Variants in ENOX1 observed in about 807,000 individuals in gnomAD.
ENOX1 encodes the protein ecto-NOX disulfide-thiol exchanger 1.
Under a neutral mutation model 82.5 loss-of-function variants are expected in ENOX1, and 42 were observed. That is an observed-to-expected ratio of 0.51 (90% CI 0.40 to 0.66). The LOEUF (loss-of-function observed/expected upper bound fraction) is 0.66. ENOX1 is among the 30% of genes least tolerant of loss of function. The probability of loss-of-function intolerance (pLI) is 0.00; values close to 1 mark genes in which losing one functional copy is unlikely to be tolerated. For missense variants in ENOX1, 608 were observed against 811.6 expected (o/e 0.75, Z 3.05); for synonymous variants, 271 against 282.2 (o/e 0.96, Z 0.40).
At chr13:43,727,642 C>T (rs539713595) in intron 1 of ENOX1, among the ~76,000 whole-genome samples, 1 of 152,268 alleles carries the variant, frequency 6.6e-6, no homozygotes, top group East Asian at 1.9e-4. Context: ...TTAGATCTTA[C>T]ATTAAATGGC....
At chr13:43,481,370 T>C (rs779489215) in intron 3 of ENOX1, among the ~76,000 whole-genome samples, 1 of 151,998 alleles carries the variant, frequency 6.6e-6, no homozygotes, top group African/African-American at 2.4e-5. Context: ...ATATATGGGA[T>C]CAAATTATAT....
intron 12 of ENOX1, among the ~76,000 whole-genome samples, chr13:43,273,037 G>A (rs1253610860): frequency 6.6e-6 from 1 of 152,110 alleles, no homozygotes; most frequent in Non-Finnish European, 1.5e-5. Context: ...CACATCACAT[G>A]TGCTGGTGCT....
At chr13:43,360,991 T>C (rs1428132364) in intron 6 of ENOX1, among the ~76,000 whole-genome samples, 1 of 152,226 alleles carries the variant, frequency 6.6e-6, no homozygotes, top group Non-Finnish European at 1.5e-5. Context: ...TCACACTGTG[T>C]TCTCCGGCAA....
intron 2 of ENOX1, among the ~76,000 whole-genome samples, chr13:43,489,969 C>T (rs1310567496): frequency 1.3e-5 from 2 of 152,108 alleles, no homozygotes; most frequent in African/African-American, 4.8e-5. Context: ...GACAGAATGT[C>T]GCTCTGTCAC....
chr13:43,326,066 TA>T (rs879684580), intron 10 of ENOX1, among the ~76,000 whole-genome samples: 55 of 144,382 alleles, frequency 3.8e-4, no homozygotes, highest in Middle Eastern at 3.7e-3. Flanking sequence ...CGTAGAACAC[TA>T]AAAAAAAAAA....
intron 12 of ENOX1, among the ~76,000 whole-genome samples, chr13:43,289,748 T>C (rs919090996): frequency 2.0e-5 from 3 of 152,090 alleles, no homozygotes; most frequent in African/African-American, 4.8e-5. Flanking sequence ...ACTAAAGAGC[T>C]TCTGCAAAGA....
At chr13:43,677,530 T>A (rs961982009) in intron 1 of ENOX1, among the ~76,000 whole-genome samples, 1 of 152,194 alleles carries the variant, frequency 6.6e-6, no homozygotes, top group Non-Finnish European at 1.5e-5. Context: ...CCCTTCATAC[T>A]CAAAACAACC....
intron 2 of ENOX1, among the ~76,000 whole-genome samples, chr13:43,665,433 AAAG>A (rs1475366407): frequency 6.6e-6 from 1 of 152,204 alleles, no homozygotes; most frequent in African/African-American, 2.4e-5. Flanking sequence ...AAGGATGCAT[AAAG>A]AAGGAAGAAG....
At chr13:43,683,024 C>T (rs1210230534) in intron 1 of ENOX1, among the ~76,000 whole-genome samples, 3 of 152,132 alleles carry the variant, frequency 2.0e-5, no homozygotes, top group Non-Finnish European at 1.5e-5. Flanking sequence ...AACTTAGCTT[C>T]AGAGGGAGAA....
intron 5 of ENOX1, among the ~76,000 whole-genome samples, chr13:43,389,766 C>T (rs2052654588): frequency 6.6e-6 from 1 of 152,160 alleles, no homozygotes; most frequent in Non-Finnish European, 1.5e-5. Flanking sequence ...GTTGGAATTT[C>T]ACAAGGCTAA....
intron 1 of ENOX1, among the ~76,000 whole-genome samples, chr13:43,676,887 T>C (rs1350841954): frequency 1.3e-5 from 2 of 152,170 alleles, no homozygotes; most frequent in South Asian, 4.1e-4. Context: ...GTCATTTCCA[T>C]TTATTACTGG....
chr13:43,450,450 C>T lies in ENOX1; in HGVS notation c.-75+33559G>A, dbSNP rs374729397. Among the ~76,000 whole-genome samples the T allele has an allele frequency of 3.7e-4, 57 of 152,192 alleles. 2 individuals carry two copies. The South Asian group carries it at 0.011, about 31-fold the overall frequency. On this transcript the variant is annotated intron_variant, in intron 3 of 16. Transcript: ENST00000690772. ...TTGAGAGGATAGTTTGTCACAGTTCCAAGAAGAGCAGGCATGCCAGACCAC... is the reference window on the plus strand; with the variant it reads ...TTGAGAGGATAGTTTGTCACAGTTCTAAGAAGAGCAGGCATGCCAGACCAC...
In ENOX1 at chr13:43,499,722, C is replaced by T. The variant is rs2076915277; in HGVS notation, c.-218-15570G>A. Among the ~76,000 whole-genome samples the T allele has an allele frequency of 5.3e-5, 8 of 151,970 alleles. 1 individual carries two copies. The South Asian group carries it at 1.5e-3, about 28-fold the overall frequency. On this transcript the variant is annotated intron_variant, in intron 2 of 16. Coordinates refer to ENST00000690772, the MANE Select transcript of ENOX1 (RefSeq NM_001347969.2). Reference sequence around the variant, plus strand: ...ATCACAAAGAATCAGGAAAATGACACCACCAAAAAGACAAAATAAAGCTCC... The same window carrying T: ...ATCACAAAGAATCAGGAAAATGACATCACCAAAAAGACAAAATAAAGCTCC...
intron 2 of ENOX1, among the ~76,000 whole-genome samples, chr13:43,530,895 T>C (rs1391805856): frequency 6.6e-6 from 1 of 152,046 alleles, no homozygotes; most frequent in East Asian, 1.9e-4. Flanking sequence ...TTAATCTCAA[T>C]ATAACCAAAA....
At chr13:43,365,091 G>A (rs12585369) in intron 5 of ENOX1, among the ~76,000 whole-genome samples, 58,759 of 152,036 alleles carry the variant, frequency 0.39, 13,266 homozygotes, top group Middle Eastern at 0.52. Flanking sequence ...CCAGGGCTCC[G>A]GTGCCTGGGC....
intron 2 of ENOX1, among the ~76,000 whole-genome samples, chr13:43,579,588 T>C (rs74982447): frequency 0.033 from 5,025 of 152,272 alleles, 268 homozygotes; most frequent in African/African-American, 0.11. Flanking sequence ...TCCATGTCTA[T>C]GTTATTGATC....
intron 12 of ENOX1, among the ~76,000 whole-genome samples, chr13:43,297,251 GGTT>G (rs1490359135): frequency 1.3e-5 from 2 of 151,936 alleles, no homozygotes; most frequent in Admixed American, 6.6e-5. Context: ...TTCCCTGTTA[GGTT>G]GATGTATCTG....
At chr13:43,653,598 A>T (rs2084293745) in intron 2 of ENOX1, among the ~76,000 whole-genome samples, 1 of 138,764 alleles carries the variant, frequency 7.2e-6, no homozygotes, top group African/African-American at 2.7e-5. Flanking sequence ...AAGGCTTCAA[A>T]TTTGTATGTG....
intron 2 of ENOX1, among the ~76,000 whole-genome samples, chr13:43,512,265 T>C (rs2077397874): frequency 6.6e-6 from 1 of 152,138 alleles, no homozygotes; most frequent in South Asian, 2.1e-4. Flanking sequence ...ATACTTCTAA[T>C]TACCCAGCAC....
Sources: allele counts gnomAD v4.1 joint callset (sites outside exome capture counted in the v4.1 genomes callset), GRCh38; gene constraint gnomAD v4.1.1; transcripts MANE v1.5; gene names NCBI Gene and HGNC (gene_info 2026-07-23, HGNC 2026-07-21).